EXOC4: variants seen among roughly 807,000 people sequenced by gnomAD.
EXOC4 encodes the protein SEC8-like 1.
EXOC4 carries 71 observed loss-of-function variants against 107.2 expected under a neutral mutation model. That is an observed-to-expected ratio of 0.66 (90% CI 0.55 to 0.81). EXOC4 has a LOEUF of 0.81. EXOC4 is among the 30% of genes least tolerant of loss of function. The pLI is 0.00. For missense variants in EXOC4, 1,108 were observed against 1,189.6 expected (o/e 0.93, Z 1.01); for synonymous variants, 456 against 441.2 (o/e 1.03, Z -0.42).
intron 10 of EXOC4, among the ~76,000 whole-genome samples, chr7:133,719,831 C>T (rs530576370): frequency 6.6e-6 from 1 of 152,198 alleles, no homozygotes; most frequent in African/African-American, 2.4e-5. Flanking sequence ...TAAAAGATTG[C>T]AGTGTCTTGT....
intron 10 of EXOC4, among the ~76,000 whole-genome samples, chr7:133,770,305 G>T (rs6962179): frequency 0.99 from 149,878 of 151,976 alleles, 73,954 homozygotes; most frequent in Middle Eastern, 1. Context: ...TTGCCCATTA[G>T]CCTACAGCTA....
intron 9 of EXOC4, among the ~76,000 whole-genome samples, chr7:133,543,570 G>A (rs1275315216): frequency 6.6e-6 from 1 of 151,976 alleles, no homozygotes; most frequent in East Asian, 1.9e-4. Flanking sequence ...TCCTTATGCT[G>A]TCATTTCTTC....
At chr7:133,376,955 C>T (rs1262157230) in intron 7 of EXOC4, among the ~76,000 whole-genome samples, 1 of 152,130 alleles carries the variant, frequency 6.6e-6, no homozygotes, top group Non-Finnish European at 1.5e-5. Context: ...TTCTCAATAA[C>T]AAAGCACCTG....
chr7:133,933,415 T>C (rs1252518764), intron 13 of EXOC4, among the ~76,000 whole-genome samples: 1 of 152,166 alleles, frequency 6.6e-6, no homozygotes, highest in Non-Finnish European at 1.5e-5. Flanking sequence ...CATTCATGTT[T>C]TGAGTTCTGA....
At chr7:133,489,421 C>T (rs1032024152) in intron 9 of EXOC4, among the ~76,000 whole-genome samples, 6 of 152,114 alleles carry the variant, frequency 3.9e-5, no homozygotes, top group Admixed American at 6.5e-5. Context: ...GTTTAGAAAT[C>T]GAGAACAAAT....
intron 9 of EXOC4, among the ~76,000 whole-genome samples, chr7:133,505,026 T>C (rs1412538717): frequency 6.6e-6 from 1 of 152,116 alleles, no homozygotes; most frequent in Non-Finnish European, 1.5e-5. Context: ...GTGAGTCATC[T>C]ATGAGATAGA....
At chr7:133,495,571 C>G (rs1799458279) in intron 9 of EXOC4, among the ~76,000 whole-genome samples, 1 of 152,128 alleles carries the variant, frequency 6.6e-6, no homozygotes, top group Non-Finnish European at 1.5e-5. Flanking sequence ...TTTACCTATT[C>G]TTTAAATAAA....
chr7:133,779,780 ACTGTAAAATGGACCAATCAGCTCT>A (rs1157566336), intron 10 of EXOC4, among the ~76,000 whole-genome samples: 4 of 152,030 alleles, frequency 2.6e-5, no homozygotes, highest in East Asian at 1.9e-4. Flanking sequence ...CAATCAGCAC[ACTGTAAAATGGACCAATCAGCTCT>A]CTGTAAAATG....
intron 10 of EXOC4, among the ~76,000 whole-genome samples, chr7:133,672,576 A>G (rs1331255940): frequency 6.6e-6 from 1 of 152,090 alleles, no homozygotes; most frequent in African/African-American, 2.4e-5. Context: ...AGACTGGATA[A>G]GTCCACCTGG....
chr7:133,617,664 C>A (rs995045246), intron 9 of EXOC4, among the ~76,000 whole-genome samples: 1 of 152,074 alleles, frequency 6.6e-6, no homozygotes, highest in African/African-American at 2.4e-5. Context: ...GCATATGGAT[C>A]ATCTAAAAAT....
At chr7:134,027,397 T>C (rs1043144270) in intron 17 of EXOC4, among the ~76,000 whole-genome samples, 2 of 152,232 alleles carry the variant, frequency 1.3e-5, no homozygotes, top group East Asian at 3.9e-4. Flanking sequence ...CCGTGGCTCA[T>C]GCCTGTAACC....
chr7:133,651,610 A>T (rs542906824), intron 10 of EXOC4, among the ~76,000 whole-genome samples: 2 of 152,308 alleles, frequency 1.3e-5, no homozygotes, highest in Admixed American at 6.5e-5. Flanking sequence ...AGGAAGATTT[A>T]AAAAATTACT....
intron 7 of EXOC4, among the ~76,000 whole-genome samples, chr7:133,404,603 G>C (rs548803194): frequency 6.6e-5 from 10 of 152,102 alleles, no homozygotes; most frequent in African/African-American, 2.2e-4. Context: ...CTTTCTTGCA[G>C]TTTTCATCTT....
Position 133,895,644 on chromosome 7 carries a change from A to G in EXOC4, c.1780A>G (p.Met594Val). The G allele has an allele frequency of 2.5e-6, 4 of 1,614,052 alleles. No individual in the cohort carries two copies. The highest frequency in any genetic ancestry group is 3.4e-6 in the Non-Finnish European group (4 of 1,179,924). The change falls in exon 12 of 18, where the codon ATG becomes GTG. Residue 594 changes from methionine (M) to valine (V), a missense_variant. By Grantham distance (21) the Met-to-Val change is conservative. Transcript: ENST00000253861. ...EKTVQDLLNL[M>V]HDLSAYSDQF... ...GACAGTTCAAGACCTCCTGAACCTGATGCATGACTTGAGTGCATATTCAGA... is the reference window on the plus strand; with the variant it reads ...GACAGTTCAAGACCTCCTGAACCTGGTGCATGACTTGAGTGCATATTCAGA...
intron 15 of EXOC4, among the ~76,000 whole-genome samples, chr7:134,002,723 A>G (rs534502125): frequency 6.6e-6 from 1 of 152,334 alleles, no homozygotes; most frequent in Non-Finnish European, 1.5e-5. Flanking sequence ...TATGCTCAAC[A>G]TCATTAGTCA....
At chr7:133,956,902 A>G (rs1800831454) in intron 14 of EXOC4, among the ~76,000 whole-genome samples, 1 of 152,206 alleles carries the variant, frequency 6.6e-6, no homozygotes, top group Admixed American at 6.5e-5. Context: ...TTTATAATTA[A>G]TCACTTTGGC....
chr7:133,819,104 T>G (rs1057434165), intron 11 of EXOC4, among the ~76,000 whole-genome samples: 1 of 152,084 alleles, frequency 6.6e-6, no homozygotes, highest in African/African-American at 2.4e-5. Context: ...TAGCTCCAGC[T>G]CTCACTGGAC....
intron 14 of EXOC4, among the ~76,000 whole-genome samples, chr7:133,940,444 A>T (rs889880555): frequency 6.6e-6 from 1 of 152,194 alleles, no homozygotes; most frequent in Admixed American, 6.5e-5. Context: ...ATTTTATAAT[A>T]TAAGTTGTAC....
At chr7:134,070,854 G>A (rs757285077), downstream of EXOC4, among the ~76,000 whole-genome samples, 7 of 152,212 alleles carry the variant, frequency 4.6e-5, no homozygotes, top group Non-Finnish European at 1.0e-4. Flanking sequence ...ATTTAGAAAG[G>A]TGACCTCAGA....
Sources: allele counts gnomAD v4.1 joint callset (sites outside exome capture counted in the v4.1 genomes callset), GRCh38; gene constraint gnomAD v4.1.1; transcripts MANE v1.5; gene names NCBI Gene and HGNC (gene_info 2026-07-23, HGNC 2026-07-21).